The following SP100 variants were observed in gnomAD, a reference collection of about 807,000 sequenced individuals.
The protein encoded by SP100 is nuclear autoantigen Sp-100.
In SP100, 84 loss-of-function variants were observed where a neutral mutation model predicts 130.0. The observed-to-expected ratio is 0.65, with a 90% CI of 0.54 to 0.77. SP100 has a LOEUF of 0.77. Among genes scored for constraint, SP100 ranks in the 30% least tolerant of loss-of-function variants. The pLI, the probability that SP100 is intolerant of heterozygous loss-of-function variation, is 0.00. For synonymous variants in SP100, 331 were observed against 351.7 expected (o/e 0.94, Z 0.66); for missense variants, 978 against 1,052.2 (o/e 0.93, Z 0.97).
At chr2:230,501,375 G>C (rs2067013398) in intron 19 of SP100, among the ~76,000 whole-genome samples, 1 of 152,060 alleles carries the variant, frequency 6.6e-6, no homozygotes, top group Admixed American at 6.6e-5. Flanking sequence ...ACTTCCTAAG[G>C]GCAACATCTT....
rs559157689 is a variant in SP100 at position 230,479,338 on chromosome 2, A to G, written c.1600+4891A>G. On this transcript the variant is annotated intron_variant, in intron 17 of 28. Transcript: ENST00000340126. ...TATTTTATAGGCATTGCTACTGTTTATAGGCTAATTATTATTCCCAGCATC... is the reference window on the plus strand; with the variant it reads ...TATTTTATAGGCATTGCTACTGTTTGTAGGCTAATTATTATTCCCAGCATC... Among the ~76,000 whole-genome samples, 151 of 152,336 alleles carry G rather than the reference A, an allele frequency of 9.9e-4. 2 individuals are homozygous for G. Among genetic ancestry groups the G allele is most frequent in the Admixed American group, 9.7e-3 (149 of 15,300 alleles).
chr2:230,543,607 TGA>T lies in SP100; in HGVS notation c.*667_*668del, dbSNP rs1267575148. 1 of 151,668 alleles carries T rather than the reference TGA, an allele frequency of 6.6e-6. No individual in the cohort carries two copies. The highest frequency in any genetic ancestry group is 1.5e-5 in the Non-Finnish European group (1 of 67,926). 9.4% of individuals were successfully genotyped at this position (151,668 alleles called of 1,614,324 possible). A position where few individuals can be genotyped will look rare whatever the true frequency, so the allele number is the denominator to read the frequency against. ...CTAGGAATACAGCTAATCAGGGAGGTGAGAGAGTTCTACAATGAGAATTACGA... is the reference window on the plus strand; with the variant it reads ...CTAGGAATACAGCTAATCAGGGAGGTGAGAGTTCTACAATGAGAATTACGA... On this transcript the variant is annotated 3_prime_UTR_variant, in exon 29 of 29. Transcript: ENST00000340126.
chr2:230,498,777 G>A (rs1050551862), intron 19 of SP100, among the ~76,000 whole-genome samples: 1 of 152,116 alleles, frequency 6.6e-6, no homozygotes, highest in African/African-American at 2.4e-5. Flanking sequence ...TTCCTCTCCT[G>A]AGCTGATAAC....
chr2:230,535,523 T>TTCTC (rs141197281), intron 24 of SP100, among the ~76,000 whole-genome samples: 1 of 151,768 alleles, frequency 6.6e-6, no homozygotes, highest in Non-Finnish European at 1.5e-5. Flanking sequence ...TGAGGCATAT[T>TTCTC]TCTCTCTCTC....
chr2:230,432,858 C>T (rs1180240902), intron 2 of SP100, among the ~76,000 whole-genome samples: 1 of 152,112 alleles, frequency 6.6e-6, no homozygotes, highest in Non-Finnish European at 1.5e-5. Flanking sequence ...ATTTTAACAT[C>T]ATTTATTCTC....
chr2:230,478,912 C>T (rs533486251), intron 17 of SP100, among the ~76,000 whole-genome samples: 1 of 152,252 alleles, frequency 6.6e-6, no homozygotes, highest in African/African-American at 2.4e-5. Flanking sequence ...CTTCTGCCTC[C>T]CGGATTCAAG....
intron 25 of SP100, 96 bp from the exon 26 acceptor site, chr2:230,540,780 C>T (rs987881866): frequency 6.8e-7 from 1 of 1,473,820 alleles, no homozygotes; most frequent in Non-Finnish European, 9.2e-7. Context: ...AAGGTGGAAA[C>T]CACTAGGCAT....
Position 230,449,556 on chromosome 2 carries a change from T to A in SP100, c.587-5T>A. Reference sequence around the variant, plus strand: ...AAAATACCTGTGAATCAAACCATGGTTTAGGTACAACCCCACCTGAAAATG... The same window carrying A: ...AAAATACCTGTGAATCAAACCATGGATTAGGTACAACCCCACCTGAAAATG... On this transcript the variant is annotated splice_region_variant and splice_polypyrimidine_tract_variant and intron_variant, in intron 6 of 28. Transcript: ENST00000340126. 6.2e-7 allele frequency: 1 copy of A among 1,613,772 alleles called. No homozygotes were observed. Among genetic ancestry groups the A allele is most frequent in the Non-Finnish European group, 8.5e-7 (1 of 1,179,922 alleles).
chr2:230,532,208 C>T (rs1036213477), intron 24 of SP100, among the ~76,000 whole-genome samples: 3 of 148,690 alleles, frequency 2.0e-5, no homozygotes, highest in Admixed American at 6.7e-5. Flanking sequence ...AAGAGCTTTA[C>T]GGTTCCTAGA....
rs538074306 is a variant in SP100, at chr2:230,496,768, G to T, written c.1646-1693G>T. On this transcript the variant is annotated intron_variant, in intron 18 of 28. Coordinates refer to ENST00000340126, the MANE Select transcript of SP100 (RefSeq NM_001080391.2). ...TTCCCTCAGTCTCCCAGCTCTGGGA[G>T]GTCCACACTACACTCCTGCTGGGGT... 2.6e-5 allele frequency among the ~76,000 whole-genome samples: 4 copies of T among 152,238 alleles called. No homozygotes were observed. The East Asian group carries it at 7.7e-4, about 29-fold the overall frequency.
chr2:230,441,992 T>TC (rs1182652992), intron 2 of SP100, among the ~76,000 whole-genome samples: 1 of 152,208 alleles, frequency 6.6e-6, no homozygotes, highest in Non-Finnish European at 1.5e-5. Context: ...CTCTTTGTCA[T>TC]TGTGAATCTA....
At chr2:230,524,441 C>G (rs1691333153) in intron 24 of SP100, among the ~76,000 whole-genome samples, 1 of 151,200 alleles carries the variant, frequency 6.6e-6, no homozygotes, top group Non-Finnish European at 1.5e-5. Context: ...TTTTAATAAG[C>G]AAGACTAATT....
Position 230,416,309 on chromosome 2 carries a change from G to T in SP100, c.13G>T (p.Gly5Cys), listed in dbSNP as rs1559475807. ...CTAGGGTGGGAAGATGGCAGGTGGG[G>T]GCGGCGACCTGAGCACCAGGTGAGT... MAGG[G>C]GDLSTRRLNE... Residue 5 changes from glycine to cysteine, a missense_variant, in exon 1 of 29, where the codon GGC becomes TGC. By Grantham distance (159) the Gly-to-Cys change is radical (BLOSUM62 -3). Coordinates refer to ENST00000340126, the MANE Select transcript of SP100 (RefSeq NM_001080391.2). The T allele has an allele frequency of 6.2e-7, 1 of 1,613,636 alleles. No individual in the cohort carries two copies. The highest frequency in any genetic ancestry group is 8.5e-7 in the Non-Finnish European group (1 of 1,179,698).
At chr2:230,524,196 A>AAAAAAAAG (rs1559534607) in intron 24 of SP100, among the ~76,000 whole-genome samples, 2 of 110,230 alleles carry the variant, frequency 1.8e-5, no homozygotes, top group African/African-American at 2.7e-5. Context: ...AAAAAAAAAA[A>AAAAAAAAG]AAAAAGAAAA....
chr2:230,468,951 A>G (rs2065121486), intron 13 of SP100, 92 bp from the exon 14 acceptor site: 1 of 725,328 alleles, frequency 1.4e-6, no homozygotes, highest in South Asian at 2.0e-5. Flanking sequence ...TAGAATATTT[A>G]TAGTCCAAAT....
intron 24 of SP100, chr2:230,538,751 T>C (rs745664586): frequency 6.5e-6 from 1 of 153,632 alleles, no homozygotes; most frequent in Non-Finnish European, 1.4e-5. Flanking sequence ...ATCCCAGAGG[T>C]ACTGCTGCAG....
At chr2:230,426,789 T>A (rs2149868343) in intron 2 of SP100, among the ~76,000 whole-genome samples, 1 of 152,288 alleles carries the variant, frequency 6.6e-6, no homozygotes, top group South Asian at 2.1e-4. Context: ...TGGTTCAAGA[T>A]CAATGTTTCC....
intron 2 of SP100, among the ~76,000 whole-genome samples, chr2:230,431,260 A>C (rs72495186): frequency 1.3e-5 from 2 of 152,276 alleles, no homozygotes; most frequent in East Asian, 3.9e-4. Flanking sequence ...TTTGTTTCCC[A>C]TGAGGCAAGA....
intron 23 of SP100, 153 bp downstream of exon 23, chr2:230,508,184 A>T (rs1275784714): frequency 1.5e-6 from 2 of 1,314,984 alleles, no homozygotes; most frequent in Non-Finnish European, 2.0e-6. Context: ...ACATTATTCA[A>T]TGTATAAGTC....
Sources: gnomAD v4.1 joint callset for allele counts (sites outside exome capture counted in the v4.1 genomes callset) on GRCh38, gnomAD v4.1.1 for gene constraint, MANE v1.5 for transcripts, NCBI Gene and HGNC (gene_info 2026-07-23, HGNC 2026-07-21) for gene names.